Variants in ATP2B1 observed in about 807,000 individuals in gnomAD.
ATP2B1 encodes the protein plasma membrane calcium-transporting ATPase 1.
Under a neutral mutation model 124.2 loss-of-function variants are expected in ATP2B1, and 14 were observed. That is an observed-to-expected ratio of 0.11 (90% CI 0.07 to 0.18). ATP2B1 has a LOEUF of 0.18. Among genes scored for constraint, ATP2B1 ranks in the 10% least tolerant of loss-of-function variants. ATP2B1 has a pLI of 1.00. For missense variants in ATP2B1, 763 were observed against 1,466.1 expected (o/e 0.52, Z 7.83); for synonymous variants, 449 against 492.4 (o/e 0.91, Z 1.17).
At position 89,677,971 on chromosome 12, in the gene ATP2B1, T is replaced by TACACACAC. The variant is rs869199593; in HGVS notation, c.-221-21872_-221-21865dup. On this transcript the variant is annotated intron_variant, in intron 1 of 20. Transcript: ENST00000428670. ...TGCAGGAATTATATATATATATATA[T>TACACACAC]ACACACACACACACACACACACACA... 7.4e-3 allele frequency among the ~76,000 whole-genome samples: 384 copies of TACACACAC among 52,182 alleles called. 8 individuals carry two copies. The highest frequency in any genetic ancestry group is 8.3e-3 in the Non-Finnish European group (209 of 25,046). 34.2% of individuals were successfully genotyped at this position (52,182 alleles called of 152,430 possible).
chr12:89,704,763 C>T (rs932714807), intron 1 of ATP2B1, among the ~76,000 whole-genome samples: 2 of 152,002 alleles, frequency 1.3e-5, no homozygotes, highest in Non-Finnish European at 2.9e-5. Flanking sequence ...CTGAAGACAG[C>T]AAAATTTGAG....
chr12:89,601,277 A>G (rs550404772), intron 19 of ATP2B1, 49 bp downstream of exon 19: 2 of 668,014 alleles, frequency 3.0e-6, no homozygotes, highest in Admixed American at 3.7e-5. Flanking sequence ...ACTAGAAATT[A>G]AAAAAAAAAA....
rs1414899662 is a variant in ATP2B1, at chr12:89,655,775, T to G, written c.112A>C (p.Met38Leu). 1 of 1,614,084 alleles carries G rather than the reference T, an allele frequency of 6.2e-7. No individual in the cohort carries two copies. Among genetic ancestry groups the G allele is most frequent in the African/African-American group, 1.3e-5 (1 of 74,932 alleles). ...GITLAELRALMELRSTDALRK... is the reference protein window; with the variant it reads ...GITLAELRALLELRSTDALRK... Reference sequence around the variant, plus strand: ...AATGCATCTGTGGACCTGAGCTCCATGAGAGCCCGCAGCTCTGCGAGCGTA... The same window carrying G: ...AATGCATCTGTGGACCTGAGCTCCAGGAGAGCCCGCAGCTCTGCGAGCGTA... Residue 38 changes from methionine (M) to leucine (L), a missense_variant, in exon 2 of 21, where the codon ATG becomes CTG. Transcript: ENST00000428670.
At chr12:89,613,110 G>A (rs558272451) in intron 12 of ATP2B1, among the ~76,000 whole-genome samples, 9 of 151,946 alleles carry the variant, frequency 5.9e-5, no homozygotes, top group African/African-American at 2.2e-4. Flanking sequence ...CTCCTGAGTA[G>A]CTGGGATCAC....
chr12:89,674,820 G>A (rs1888418742), intron 1 of ATP2B1, among the ~76,000 whole-genome samples: 1 of 152,148 alleles, frequency 6.6e-6, no homozygotes, highest in South Asian at 2.1e-4. Flanking sequence ...ATGGAGGCAT[G>A]GAACCACACC....
At chr12:89,626,423 A>T in intron 8 of ATP2B1, 31 bp downstream of exon 8, 1 of 1,553,662 alleles carries the variant, frequency 6.4e-7, no homozygotes, top group South Asian at 1.3e-5. Context: ...ACTTAAAAAT[A>T]AAACACTTTA....
At chr12:89,672,149 T>C (rs1160257299) in intron 1 of ATP2B1, among the ~76,000 whole-genome samples, 2 of 152,242 alleles carry the variant, frequency 1.3e-5, no homozygotes, top group Admixed American at 6.5e-5. Context: ...GGTTTCATTT[T>C]TCTTATGTGT....
At chr12:89,660,477 A>G (rs1482451284) in intron 1 of ATP2B1, among the ~76,000 whole-genome samples, 1 of 152,222 alleles carries the variant, frequency 6.6e-6, no homozygotes, top group Admixed American at 6.5e-5. Context: ...AAATGCATTA[A>G]TTTGGTGTTA....
At chr12:89,602,932 C>A in intron 18 of ATP2B1, 111 bp downstream of exon 18, 1 of 910,266 alleles carries the variant, frequency 1.1e-6, no homozygotes, top group African/African-American at 1.7e-5. Context: ...TATATGTCAC[C>A]AAGGCAACAG....
At chr12:89,649,740 C>G (rs2136307179) in intron 2 of ATP2B1, among the ~76,000 whole-genome samples, 1 of 152,248 alleles carries the variant, frequency 6.6e-6, no homozygotes, top group South Asian at 2.1e-4. Flanking sequence ...TGTCTGTTCC[C>G]TCCAAATTTC....
rs1316252173 is a variant in ATP2B1 at position 89,700,443 on chromosome 12, CAA to C, written c.-222+8151_-222+8152del. Among the ~76,000 whole-genome samples, 4 of 151,524 alleles carry C rather than the reference CAA, an allele frequency of 2.6e-5. No homozygotes were observed. The East Asian group carries it at 5.8e-4, about 22-fold the overall frequency. On this transcript the variant is annotated intron_variant, in intron 1 of 20. Coordinates refer to ENST00000428670, the MANE Select transcript of ATP2B1 (RefSeq NM_001366521.1). ...GTTCATGAGTCATTTTTTAAGCAAA[CAA>C]AAAAGAGTAGTTATAGCACTTACTT...
chr12:89,657,494 C>A (rs568421126), intron 1 of ATP2B1, among the ~76,000 whole-genome samples: 1 of 152,342 alleles, frequency 6.6e-6, no homozygotes, highest in African/African-American at 2.4e-5. Flanking sequence ...AATCTACCTG[C>A]ACTCCAAAAT....
chr12:89,604,750 G>T (rs191482667), intron 15 of ATP2B1, among the ~76,000 whole-genome samples: 74 of 152,190 alleles, frequency 4.9e-4, no homozygotes, highest in Non-Finnish European at 8.8e-4. Flanking sequence ...TTAGAGGCTA[G>T]AAAGCAGACA....
chr12:89,652,868 G>A (rs1885435852), intron 2 of ATP2B1, among the ~76,000 whole-genome samples: 1 of 152,164 alleles, frequency 6.6e-6, no homozygotes, highest in African/African-American at 2.4e-5. Flanking sequence ...CTCCTGAATA[G>A]CAGAGATGCA....
At position 89,624,303 on chromosome 12, in the gene ATP2B1, G is replaced by A. The variant is rs1389900866; in HGVS notation, c.1224C>T (p.Cys408=). 5 of 1,613,982 alleles carry A rather than the reference G, an allele frequency of 3.1e-6. No homozygotes were observed. Among genetic ancestry groups the A allele is most frequent in the Admixed American group, 3.3e-5 (2 of 60,004 alleles). ...CAAAGTATTGTATATAAATTGGTGT[G>A]CACTCAGCAAGCCATGGTCTTTTCT... The part of the protein sequence containing the change: ...WVQKRPWLAE[C]TPIYIQYFVK... The change falls in exon 9 of 21, where the codon TGC becomes TGT. Residue 408 remains cysteine, a synonymous_variant. Transcript: ENST00000428670.
At chr12:89,625,837 G>C (rs1035044423) in intron 8 of ATP2B1, among the ~76,000 whole-genome samples, 1 of 152,098 alleles carries the variant, frequency 6.6e-6, no homozygotes. Context: ...CATACTCCTA[G>C]AGAGCAGTAA....
At chr12:89,607,086 CT>C (rs1877060641) in intron 15 of ATP2B1, among the ~76,000 whole-genome samples, 1 of 152,098 alleles carries the variant, frequency 6.6e-6, no homozygotes, top group African/African-American at 2.4e-5. Context: ...CGTTAAACTG[CT>C]TTTTAAAAAT....
chr12:89,670,542 T>C (rs1295955478), intron 1 of ATP2B1, among the ~76,000 whole-genome samples: 1 of 152,120 alleles, frequency 6.6e-6, no homozygotes, highest in African/African-American at 2.4e-5. Flanking sequence ...CGTGCAAGTA[T>C]TGAACAGAGT....
Position 89,643,689 on chromosome 12 carries a change from A to G in ATP2B1, c.209-1334T>C, listed in dbSNP as rs192384954. Among the ~76,000 whole-genome samples, 214 of 152,354 alleles carry G rather than the reference A, an allele frequency of 1.4e-3. 1 individual carries two copies. The highest frequency in any genetic ancestry group is 4.8e-3 in the African/African-American group (201 of 41,586). Reference sequence around the variant, plus strand: ...TAACCTTGTTGATCCTGTCAAACCCAGATATATCCCAATTAGTTAATGCAA... The same window carrying G: ...TAACCTTGTTGATCCTGTCAAACCCGGATATATCCCAATTAGTTAATGCAA... On this transcript the variant is annotated intron_variant, in intron 2 of 20. Coordinates refer to ENST00000428670, the MANE Select transcript of ATP2B1 (RefSeq NM_001366521.1).
Sources: allele counts gnomAD v4.1 joint callset (sites outside exome capture counted in the v4.1 genomes callset), GRCh38; gene constraint gnomAD v4.1.1; transcripts MANE v1.5; gene names NCBI Gene and HGNC (gene_info 2026-07-23, HGNC 2026-07-21).